The following SDK1 variants were observed in gnomAD, a reference collection of about 807,000 sequenced individuals.
SDK1 encodes sidekick cell adhesion molecule 1.
SDK1 carries 157 observed loss-of-function variants against 245.5 expected under a neutral mutation model. The observed-to-expected ratio is 0.64, with a 90% CI of 0.56 to 0.73. SDK1 has a LOEUF of 0.73. Among genes scored for constraint, SDK1 ranks in the 30% least tolerant of loss-of-function variants. The pLI, the probability that SDK1 is intolerant of heterozygous loss-of-function variation, is 0.00. For missense variants in SDK1, 3,583 were observed against 3,002.3 expected (o/e 1.19, Z -4.52); for synonymous variants, 1,647 against 1,278.5 (o/e 1.29, Z -6.15).
intron 13 of SDK1, 193 bp downstream of exon 13, chr7:3,974,738 A>G (rs1413586325): frequency 1.9e-6 from 1 of 536,700 alleles, no homozygotes; most frequent in African/African-American, 1.9e-5. Context: ...TTCGGAATTG[A>G]GAAGTTTCGT....
chr7:4,138,123 GA>G (rs775535617), intron 28 of SDK1, among the ~76,000 whole-genome samples: 3 of 152,170 alleles, frequency 2.0e-5, no homozygotes, highest in Non-Finnish European at 2.9e-5. Flanking sequence ...AGTGCCTAGG[GA>G]ACCAGATCAG....
chr7:4,163,479 G>T (rs1261472442), intron 32 of SDK1, among the ~76,000 whole-genome samples: 3 of 152,198 alleles, frequency 2.0e-5, no homozygotes, highest in Admixed American at 1.3e-4. Context: ...AGTGGGGGCT[G>T]CGGGAAATGG....
intron 4 of SDK1, among the ~76,000 whole-genome samples, chr7:3,725,982 C>T (rs1286933788): frequency 1.3e-5 from 2 of 152,202 alleles, no homozygotes; most frequent in African/African-American, 2.4e-5. Flanking sequence ...TATCTCAGTG[C>T]AAGACGGACA....
chr7:3,461,370 C>G (rs1324114921), intron 1 of SDK1, among the ~76,000 whole-genome samples: 1 of 152,166 alleles, frequency 6.6e-6, no homozygotes, highest in Non-Finnish European at 1.5e-5. Flanking sequence ...AACCGTAACT[C>G]TGAGTGGTAT....
chr7:3,598,817 G>A (rs141594438), intron 1 of SDK1, among the ~76,000 whole-genome samples: 12 of 152,224 alleles, frequency 7.9e-5, no homozygotes, highest in African/African-American at 2.9e-4. Flanking sequence ...TTAGTGAGTA[G>A]TAAACCGTGG....
At chr7:4,233,779 C>T (rs957662348) in intron 41 of SDK1, among the ~76,000 whole-genome samples, 24 of 152,186 alleles carry the variant, frequency 1.6e-4, no homozygotes, top group African/African-American at 5.3e-4. Flanking sequence ...ACCCATCCTC[C>T]TGGGCTGCTC....
At chr7:4,232,858 CCTCT>C (rs1324740996) in intron 40 of SDK1, 1 of 156,132 alleles carries the variant, frequency 6.4e-6, no homozygotes, top group Admixed American at 6.3e-5. Flanking sequence ...CCTCTAACAT[CCTCT>C]CTATGTCTGA....
chr7:4,044,054 C>G (rs1788837965), intron 17 of SDK1, among the ~76,000 whole-genome samples: 1 of 152,184 alleles, frequency 6.6e-6, no homozygotes, highest in South Asian at 2.1e-4. Flanking sequence ...CTGACTACCC[C>G]AAAACTTAGA....
intron 30 of SDK1, 41 bp from the exon 31 acceptor site, chr7:4,158,407 G>A (rs751131841): frequency 6.6e-7 from 1 of 1,517,490 alleles, no homozygotes; most frequent in Non-Finnish European, 9.1e-7. Flanking sequence ...GCAGGACAGG[G>A]TGGCAGGGCC....
chr7:4,073,784 C>A (rs1780426269), intron 20 of SDK1, among the ~76,000 whole-genome samples: 1 of 152,162 alleles, frequency 6.6e-6, no homozygotes, highest in Admixed American at 6.5e-5. Context: ...AACAAACTCA[C>A]CCGTCCAAAC....
At chr7:3,400,576 T>C (rs763860216) in intron 1 of SDK1, among the ~76,000 whole-genome samples, 1 of 152,070 alleles carries the variant, frequency 6.6e-6, no homozygotes, top group Non-Finnish European at 1.5e-5. Flanking sequence ...TACACAAAAA[T>C]AGATAAACAT....
intron 1 of SDK1, among the ~76,000 whole-genome samples, chr7:3,528,627 A>C (rs1304023321): frequency 1.3e-5 from 2 of 152,106 alleles, no homozygotes; most frequent in East Asian, 1.9e-4. Context: ...AATCTTTGTA[A>C]GTGATGAAGG....
chr7:3,872,740 C>T (rs1418714477), intron 5 of SDK1, among the ~76,000 whole-genome samples: 1 of 151,786 alleles, frequency 6.6e-6, no homozygotes, highest in Non-Finnish European at 1.5e-5. Context: ...GATTTAATGC[C>T]TTTTTTCTGA....
In SDK1 at chr7:3,745,536, A is replaced by G. The variant is rs565770630; in HGVS notation, c.714-75914A>G. ...CTGGTTTCAGTATGCCCTCATTTGCATGTGTGTGTGTGTGTGTAAATAATT... is the reference window on the plus strand; with the variant it reads ...CTGGTTTCAGTATGCCCTCATTTGCGTGTGTGTGTGTGTGTGTAAATAATT... On this transcript the variant is annotated intron_variant, in intron 4 of 44. Transcript: ENST00000404826. Among the ~76,000 whole-genome samples, 8 of 151,502 alleles carry G rather than the reference A, an allele frequency of 5.3e-5. No homozygotes were observed. In the South Asian group the frequency reaches 1.5e-3, roughly 28 times the overall value.
chr7:3,827,457 A>G (rs1446354228), intron 5 of SDK1, among the ~76,000 whole-genome samples: 1 of 152,166 alleles, frequency 6.6e-6, no homozygotes, highest in Non-Finnish European at 1.5e-5. Context: ...GTGCCAACCA[A>G]AGGGAGAATT....
At chr7:3,611,656 T>C (rs1483972319) in intron 1 of SDK1, among the ~76,000 whole-genome samples, 1 of 152,144 alleles carries the variant, frequency 6.6e-6, no homozygotes, top group South Asian at 2.1e-4. Context: ...TAGTTTACAT[T>C]CCTAGCAGCA....
intron 4 of SDK1, among the ~76,000 whole-genome samples, chr7:3,754,168 C>G (rs1224917745): frequency 6.6e-6 from 1 of 152,170 alleles, no homozygotes; most frequent in African/African-American, 2.4e-5. Flanking sequence ...TTCAGCTGAA[C>G]TGAATTTCTG....
intron 35 of SDK1, among the ~76,000 whole-genome samples, chr7:4,193,341 T>G (rs995032426): frequency 5.2e-4 from 64 of 123,264 alleles, no homozygotes; most frequent in Non-Finnish European, 8.7e-4. Flanking sequence ...ATATATTAAT[T>G]TATATAATAT....
chr7:3,513,481 A>G (rs768080697), intron 1 of SDK1, among the ~76,000 whole-genome samples: 1 of 152,212 alleles, frequency 6.6e-6, no homozygotes, highest in Non-Finnish European at 1.5e-5. Context: ...TCAGTGCAAT[A>G]GAAGAAATCA....
Sources: allele counts gnomAD v4.1 joint callset (sites outside exome capture counted in the v4.1 genomes callset), GRCh38; gene constraint gnomAD v4.1.1; transcripts MANE v1.5; gene names NCBI Gene and HGNC (gene_info 2026-07-23, HGNC 2026-07-21).